The following CERS5 variants were observed in gnomAD, a reference collection of about 807,000 sequenced individuals.
CERS5 encodes the protein LAG1 homolog, ceramide synthase 5.
CERS5 carries 37 observed loss-of-function variants against 58.9 expected under a neutral mutation model. The observed-to-expected ratio is 0.63, with a 90% confidence interval of 0.48 to 0.83. CERS5 has a LOEUF of 0.83. CERS5 is among the 40% of genes least tolerant of loss of function. The pLI is 0.00. For missense variants in CERS5, 398 were observed against 489.3 expected (o/e 0.81, Z 1.76); for synonymous variants, 147 against 177.8 (o/e 0.83, Z 1.38).
chr12:50,144,582 T>C, intron 1 of CERS5: 1 of 414,924 alleles, frequency 2.4e-6, no homozygotes, highest in Non-Finnish European at 4.3e-6. Context: ...TCTTCCTGCA[T>C]ATAGATATCC....
chr12:50,133,506 G>T, intron 9 of CERS5: 2 of 989,476 alleles, frequency 2.0e-6, no homozygotes, highest in Non-Finnish European at 2.4e-6. Context: ...TGGTCACCTT[G>T]TGGTGGCTTG....
intron 1 of CERS5, among the ~76,000 whole-genome samples, chr12:50,162,588 C>T (rs1003479032): frequency 2.0e-5 from 3 of 151,394 alleles, no homozygotes; most frequent in African/African-American, 7.3e-5. Context: ...TCCCAATATA[C>T]CTCTTTATCT....
At chr12:50,132,991 C>G in intron 9 of CERS5, 1 of 1,289,006 alleles carries the variant, frequency 7.8e-7, no homozygotes, top group Non-Finnish European at 1.0e-6. Flanking sequence ...CCAGCTCCCG[C>G]CAGGCATAGA....
In CERS5 at chr12:50,148,984, TATACATGTATAA is replaced by T. The variant is rs750163603; in HGVS notation, c.198-4939_198-4928del. ...TGTGTGTGTGTGCGTGTAGACATTT[TATACATGTATAA>T]ATACATGTAGAAAACATGTACATTT... On this transcript the variant is annotated intron_variant, in intron 1 of 9. Coordinates refer to ENST00000317551, the MANE Select transcript of CERS5 (RefSeq NM_147190.5). Among the ~76,000 whole-genome samples the T allele has an allele frequency of 5.8e-4, 85 of 145,974 alleles. 1 individual carries two copies. Among genetic ancestry groups the T allele is most frequent in the Admixed American group, 1.0e-3 (15 of 14,538 alleles).
intron 1 of CERS5, among the ~76,000 whole-genome samples, chr12:50,145,326 C>G (rs1469071043): frequency 6.6e-6 from 1 of 151,948 alleles, no homozygotes; most frequent in Non-Finnish European, 1.5e-5. Flanking sequence ...ATCTCACTCT[C>G]CCCCGTAATC....
Position 50,134,651 on chromosome 12 carries a change from A to G in CERS5, c.924T>C (p.Ala308=), listed in dbSNP as rs755348544. 2 of 1,614,172 alleles carry G rather than the reference A, an allele frequency of 1.2e-6. No homozygotes were observed. The highest frequency in any genetic ancestry group is 1.7e-6 in the Non-Finnish European group (2 of 1,180,030). The part of the protein sequence containing the change: ...FESWEIIGPY[A]SWWLLNGLLL... ...GCAGGCCATTGAGGAGCCACCATGAAGCATAAGGCCCGATTATCTCCCAAC... is the reference window on the plus strand; with the variant it reads ...GCAGGCCATTGAGGAGCCACCATGAGGCATAAGGCCCGATTATCTCCCAAC... The change falls in exon 9 of 10, where the codon GCT becomes GCC. Residue 308 remains alanine, a synonymous_variant. Transcript: ENST00000317551.
At chr12:50,134,472 G>A in intron 9 of CERS5, 74 bp downstream of exon 9, 1 of 1,612,224 alleles carries the variant, frequency 6.2e-7, no homozygotes, top group Non-Finnish European at 8.5e-7. Flanking sequence ...CACCAGGTTT[G>A]ATGGAGAGAG....
At chr12:50,142,544 G>A (rs1184650126) in intron 3 of CERS5, among the ~76,000 whole-genome samples, 6 of 106,406 alleles carry the variant, frequency 5.6e-5, no homozygotes, top group African/African-American at 1.6e-4. Context: ...GCAAGACTCC[G>A]TCTCAAAAAA....
chr12:50,158,058 A>AC (rs1478513372), intron 1 of CERS5, among the ~76,000 whole-genome samples: 1 of 81,834 alleles, frequency 1.2e-5, no homozygotes, highest in Non-Finnish European at 2.4e-5. Context: ...TGAGACCATG[A>AC]CCAAAAAAAA....
chr12:50,164,998 CCT>C (rs1491523560), intron 1 of CERS5: 7 of 135,160 alleles, frequency 5.2e-5, no homozygotes, highest in Admixed American at 5.1e-4. Context: ...TTGCCTTCCT[CCT>C]TTTTTTTTTT....
Position 50,142,087 on chromosome 12 carries a change from C to G in CERS5, c.458G>C (p.Cys153Ser). ...ESMWRFTFYL[C>S]IFCYGIRFLW... ...AAATCTAATTCCATAGCAGAATATA[C>G]ATAAATAAAATGTGAATCTCCACCT... Residue 153 changes from cysteine to serine, a missense_variant, in exon 4 of 10, where the codon TGT (cysteine) becomes TCT (serine). Physicochemically the swap from Cys to Ser is moderately radical, Grantham distance 112. Coordinates refer to ENST00000317551, the MANE Select transcript of CERS5 (RefSeq NM_147190.5). 1 of 1,605,758 alleles carries G rather than the reference C, an allele frequency of 6.2e-7. No homozygotes were observed. The highest frequency in any genetic ancestry group is 8.5e-7 in the Non-Finnish European group (1 of 1,173,456).
At chr12:50,164,666 A>G (rs562303804) in intron 1 of CERS5, among the ~76,000 whole-genome samples, 3 of 152,224 alleles carry the variant, frequency 2.0e-5, no homozygotes, top group Admixed American at 1.3e-4. Context: ...CAGTATTCCC[A>G]TCCACCTGTA....
At chr12:50,156,975 G>A (rs1938731001) in intron 1 of CERS5, among the ~76,000 whole-genome samples, 1 of 152,206 alleles carries the variant, frequency 6.6e-6, no homozygotes, top group African/African-American at 2.4e-5. Flanking sequence ...TGTCTGTGAG[G>A]GTGTTGCCAA....
At chr12:50,145,229 A>G (rs1045932021) in intron 1 of CERS5, among the ~76,000 whole-genome samples, 5 of 151,808 alleles carry the variant, frequency 3.3e-5, no homozygotes, top group Admixed American at 6.6e-5. Context: ...CTAAGATTCT[A>G]TGATGTTATC....
At chr12:50,130,803 T>C (rs1951275994) in intron 9 of CERS5, 109 bp from the exon 10 acceptor site, 2 of 954,300 alleles carry the variant, frequency 2.1e-6, no homozygotes, top group African/African-American at 3.3e-5. Flanking sequence ...TGCTTTCTGA[T>C]GACATCTAAC....
chr12:50,153,889 G>A (rs1003367538), intron 1 of CERS5: 1 of 418,558 alleles, frequency 2.4e-6, no homozygotes, highest in South Asian at 1.7e-5. Flanking sequence ...GGGAGGCAGA[G>A]GTTGCAGTGA....
chr12:50,148,845 C>T (rs1318486440), intron 1 of CERS5, among the ~76,000 whole-genome samples: 1 of 140,044 alleles, frequency 7.1e-6, no homozygotes, highest in African/African-American at 2.7e-5. Flanking sequence ...GCGAAGGTTG[C>T]AGTGAGCCAA....
chr12:50,130,983 C>G (rs949116471), intron 9 of CERS5, among the ~76,000 whole-genome samples: 1 of 152,170 alleles, frequency 6.6e-6, no homozygotes, highest in African/African-American at 2.4e-5. Flanking sequence ...TTCACTGAGA[C>G]CTGGTTTAGG....
At chr12:50,151,727 A>G (rs1376594483) in intron 1 of CERS5, among the ~76,000 whole-genome samples, 3 of 152,202 alleles carry the variant, frequency 2.0e-5, no homozygotes, top group Non-Finnish European at 4.4e-5. Flanking sequence ...ATCTTGGCTC[A>G]CTGCAACCTC....
Sources: gnomAD v4.1 joint callset for allele counts (sites outside exome capture counted in the v4.1 genomes callset) on GRCh38, gnomAD v4.1.1 for gene constraint, MANE v1.5 for transcripts, NCBI Gene and HGNC (gene_info 2026-07-23, HGNC 2026-07-21) for gene names.